The following RALB variants were observed in gnomAD, a reference collection of about 807,000 sequenced individuals.
RALB encodes the protein RAS like proto-oncogene B.
Under a neutral mutation model 21.3 loss-of-function variants are expected in RALB, and 16 were observed. The ratio of observed to expected loss-of-function variants is 0.75; its 90% CI spans 0.51 to 1.14. The LOEUF (loss-of-function observed/expected upper bound fraction) is 1.14, where lower values mean the gene tolerates loss of function less well. Ranked by LOEUF, RALB falls within the 50% of genes most tolerant of loss-of-function variation. The pLI, the probability that RALB is intolerant of heterozygous loss-of-function variation, is 0.00. For synonymous variants in RALB, 93 were observed against 96.1 expected, an observed-to-expected ratio of 0.97 and a Z score of 0.19; for missense variants, 161 against 256.2, an observed-to-expected ratio of 0.63 and a Z score of 2.54.
upstream of RALB, among the ~76,000 whole-genome samples, chr2:120,251,500 C>T (rs906339143): frequency 1.3e-5 from 2 of 152,206 alleles, no homozygotes; most frequent in African/African-American, 2.4e-5. Flanking sequence ...CTAAAGCCCA[C>T]AGAAGTAGTT....
intron 1 of RALB, among the ~76,000 whole-genome samples, chr2:120,268,937 A>T (rs112307279): frequency 4.0e-5 from 6 of 151,748 alleles, no homozygotes; most frequent in Admixed American, 6.6e-5. Context: ...TAAACAAACA[A>T]TTTTTTTAAA....
intron 1 of RALB, among the ~76,000 whole-genome samples, chr2:120,265,810 A>C (rs541757464): frequency 1.3e-5 from 2 of 152,326 alleles, no homozygotes; most frequent in East Asian, 3.9e-4. Context: ...AATCTGTTTA[A>C]GTCTCTAAAT....
chr2:120,244,475 G>A (rs1275158402), intron 1 of RALB, among the ~76,000 whole-genome samples: 4 of 152,224 alleles, frequency 2.6e-5, no homozygotes, highest in Non-Finnish European at 4.4e-5. Context: ...AGCCTCAGCG[G>A]GAGACTGGCA....
chr2:120,290,792 A>G (rs1184622505), intron 4 of RALB, among the ~76,000 whole-genome samples: 1 of 152,228 alleles, frequency 6.6e-6, no homozygotes, highest in Non-Finnish European at 1.5e-5. Context: ...TTTTAAAATT[A>G]AAGTTCAAGG....
At chr2:120,268,850 G>A (rs1014906073) in intron 1 of RALB, among the ~76,000 whole-genome samples, 1 of 152,010 alleles carries the variant, frequency 6.6e-6, no homozygotes, top group Non-Finnish European at 1.5e-5. Flanking sequence ...GGAAGGAAAG[G>A]AAAGAAAAGA....
At chr2:120,274,071 G>C (rs1558952211) in intron 1 of RALB, among the ~76,000 whole-genome samples, 1 of 152,122 alleles carries the variant, frequency 6.6e-6, no homozygotes. Flanking sequence ...CCCCAACCTG[G>C]AAAAATATCC....
chr2:120,268,407 GTTT>G (rs1689558929), intron 1 of RALB, among the ~76,000 whole-genome samples: 1 of 152,186 alleles, frequency 6.6e-6, no homozygotes, highest in Non-Finnish European at 1.5e-5. Flanking sequence ...CCTTACGTTT[GTTT>G]TTAGTGGAAA....
chr2:120,272,218 CT>C lies in RALB; in HGVS notation c.-47-6399del, dbSNP rs1224412365. On this transcript the variant is annotated intron_variant, in intron 1 of 4. Coordinates refer to ENST00000272519, the MANE Select transcript of RALB (RefSeq NM_002881.3). ...GAAAGAGCCCAGGTCTCTCTTCCTT[CT>C]CTTATAAGTGCACCCATTGAATAGG... Among the ~76,000 whole-genome samples, 4 of 152,136 alleles carry C rather than the reference CT, an allele frequency of 2.6e-5. No homozygotes were observed. In the East Asian group the frequency reaches 7.7e-4, roughly 29 times the overall value.
At position 120,278,605 on chromosome 2, in the gene RALB, T is replaced by G. The variant is rs1689905715; in HGVS notation, c.-47-13T>G. 6.9e-7 allele frequency: 1 copy of G among 1,457,580 alleles called. No homozygotes were observed. The highest frequency in any genetic ancestry group is 9.1e-7 in the Non-Finnish European group (1 of 1,100,030). 90.3% of individuals were successfully genotyped at this position (1,457,580 alleles called of 1,614,324 possible). On this transcript the variant is annotated splice_polypyrimidine_tract_variant and intron_variant, in intron 1 of 4. Coordinates refer to ENST00000272519, the MANE Select transcript of RALB (RefSeq NM_002881.3). ...GCAAATCGCCTCTAAGTCTTTGTCT[T>G]TGTCATCAGCAGCTCTTCAGTGGGT...
At chr2:120,262,581 C>T (rs922018772) in intron 1 of RALB, among the ~76,000 whole-genome samples, 1 of 152,074 alleles carries the variant, frequency 6.6e-6, no homozygotes, top group Non-Finnish European at 1.5e-5. Flanking sequence ...CAGTGTGCTC[C>T]CCTTAAGAGG....
rs369084037 is a variant in RALB at position 120,277,566 on chromosome 2, CTA to C, written c.-47-1050_-47-1049del. ...TGTGTGTGTGAAAGCGTGAGTGCAC[CTA>C]TGAGAGGACAAGTGTGTGATAGTGT... is the stretch of plus-strand genomic sequence containing the variant. On this transcript the variant is annotated intron_variant, in intron 1 of 4. Coordinates refer to ENST00000272519, the MANE Select transcript of RALB (RefSeq NM_002881.3). Among the ~76,000 whole-genome samples, 80 of 151,152 alleles carry C rather than the reference CTA, an allele frequency of 5.3e-4. 1 individual carries two copies. The South Asian group carries it at 9.3e-3, about 18-fold the overall frequency.
intron 1 of RALB, among the ~76,000 whole-genome samples, chr2:120,266,469 A>T (rs984101947): frequency 2.6e-5 from 4 of 152,142 alleles, no homozygotes; most frequent in African/African-American, 9.7e-5. Flanking sequence ...GGATGGTCTC[A>T]ATCTCTTGAC....
intron 1 of RALB, among the ~76,000 whole-genome samples, chr2:120,258,573 T>C (rs767150237): frequency 2.0e-5 from 3 of 152,124 alleles, no homozygotes; most frequent in African/African-American, 7.2e-5. Context: ...GAAGCCCCAT[T>C]GGAAGGGCTG....
At position 120,253,075 on chromosome 2, in the gene RALB, C is replaced by G. The variant is rs1274185276; in HGVS notation, c.-48+95C>G. 3 of 837,894 alleles carry G rather than the reference C, an allele frequency of 3.6e-6. No homozygotes were observed. The African/African-American group carries it at 5.5e-5, about 15-fold the overall frequency. 51.9% of individuals were successfully genotyped at this position (837,894 alleles called of 1,614,324 possible). Reference sequence around the variant, plus strand: ...CCCGCAGCCTCTTGCTCCCTCCGTGCCGGGCTGTGGCCGGGCGGCGGCAGG... The same window carrying G: ...CCCGCAGCCTCTTGCTCCCTCCGTGGCGGGCTGTGGCCGGGCGGCGGCAGG... On this transcript the variant is annotated intron_variant, in intron 1 of 4. Transcript: ENST00000272519.
chr2:120,248,200 T>C (rs1286699202), upstream of RALB, among the ~76,000 whole-genome samples: 1 of 152,156 alleles, frequency 6.6e-6, no homozygotes, highest in Non-Finnish European at 1.5e-5. Context: ...TTTTTTCTTT[T>C]CTAATTGATG....
chr2:120,266,679 C>T (rs1439205316), intron 1 of RALB, among the ~76,000 whole-genome samples: 4 of 152,078 alleles, frequency 2.6e-5, no homozygotes, highest in South Asian at 4.1e-4. Flanking sequence ...CCACTGTACT[C>T]CAGTCTGGGC....
upstream of RALB, among the ~76,000 whole-genome samples, chr2:120,248,041 C>G (rs1371675061): frequency 6.6e-6 from 1 of 152,168 alleles, no homozygotes; most frequent in South Asian, 2.1e-4. Context: ...GCGAGAACCT[C>G]TGGGCAGTGA....
At chr2:120,252,722 A>C, upstream of RALB, 4 of 956,632 alleles carry the variant, frequency 4.2e-6, no homozygotes, top group Admixed American at 6.2e-5. Context: ...TGCTTGGAAA[A>C]TCAGCCTCGG....
At chr2:120,241,294 G>A (rs1688890394) in intron 1 of RALB, among the ~76,000 whole-genome samples, 1 of 152,224 alleles carries the variant, frequency 6.6e-6, no homozygotes, top group Non-Finnish European at 1.5e-5. Flanking sequence ...TGCCTCCTAG[G>A]AGCCAGAAAG....
Sources: allele counts gnomAD v4.1 joint callset (sites outside exome capture counted in the v4.1 genomes callset), GRCh38; gene constraint gnomAD v4.1.1; transcripts MANE v1.5; gene names NCBI Gene and HGNC (gene_info 2026-07-23, HGNC 2026-07-21).